The following BMPR1A variants were observed in gnomAD, a reference collection of about 807,000 sequenced individuals.
BMPR1A encodes bone morphogenetic protein receptor type 1A.
A neutral mutation model predicts 66.0 loss-of-function variants in BMPR1A; 7 were observed. That is an observed-to-expected ratio of 0.11 (90% confidence interval 0.06 to 0.20). The LOEUF (loss-of-function observed/expected upper bound fraction) is 0.20. BMPR1A is among the 10% of genes least tolerant of loss of function. The probability of loss-of-function intolerance (pLI) is 1.00; values close to 1 mark genes in which losing one functional copy is unlikely to be tolerated. For synonymous variants in BMPR1A, 200 were observed against 229.7 expected (o/e 0.87, Z 1.17); for missense variants, 408 against 669.1 (o/e 0.61, Z 4.31).
At chr10:86,899,143 A>G (rs1843270295) in intron 5 of BMPR1A, among the ~76,000 whole-genome samples, 1 of 152,242 alleles carries the variant, frequency 6.6e-6, no homozygotes, top group Admixed American at 6.5e-5. Flanking sequence ...AGGCTGCAGC[A>G]TTCAACTTGT....
chr10:86,906,679 G>A lies in BMPR1A; in HGVS notation c.531-5561G>A, dbSNP rs571511126. Among the ~76,000 whole-genome samples the A allele has an allele frequency of 4.3e-4, 14 of 32,732 alleles. 3 individuals are homozygous for A. The highest frequency in any genetic ancestry group is 1.9e-3 in the African/African-American group (4 of 2,154). The allele number at this position is 32,732 out of a possible 152,430, so 21.5% of individuals were successfully genotyped here. A position where few individuals can be genotyped will look rare whatever the true frequency, so the allele number is the denominator to read the frequency against. On this transcript the variant is annotated intron_variant, in intron 7 of 12. Coordinates refer to ENST00000372037, the MANE Select transcript of BMPR1A (RefSeq NM_004329.3). The stretch of plus-strand genomic sequence containing the variant: ...GCGGAGCTTGCAGTGAGCCGACATC[G>A]CGCCACTGCACTCCAGCCTGGGCGA...
At chr10:86,829,228 A>G (rs1842236192) in intron 1 of BMPR1A, among the ~76,000 whole-genome samples, 3 of 152,238 alleles carry the variant, frequency 2.0e-5, no homozygotes, top group Admixed American at 1.3e-4. Flanking sequence ...ATGTACACAC[A>G]TATGTATATA....
At chr10:86,920,090 C>G (rs1168758645) in intron 10 of BMPR1A, among the ~76,000 whole-genome samples, 1 of 152,002 alleles carries the variant, frequency 6.6e-6, no homozygotes, top group Non-Finnish European at 1.5e-5. Flanking sequence ...TTCTTAAGAC[C>G]CAACTGATGA....
At chr10:86,845,545 A>G (rs537874847) in intron 2 of BMPR1A, among the ~76,000 whole-genome samples, 49 of 152,198 alleles carry the variant, frequency 3.2e-4, no homozygotes, top group Admixed American at 1.1e-3. Flanking sequence ...TGCATGCCAC[A>G]TAGACCTGCC....
intron 9 of BMPR1A, 136 bp downstream of exon 9, chr10:86,917,462 G>C: frequency 1.9e-6 from 2 of 1,070,126 alleles, no homozygotes; most frequent in Admixed American, 2.0e-5. Flanking sequence ...TAGAATACAC[G>C]GTTTGAATAA....
At chr10:86,839,583 ACT>A (rs1407646915) in intron 2 of BMPR1A, among the ~76,000 whole-genome samples, 1 of 123,766 alleles carries the variant, frequency 8.1e-6, no homozygotes, top group African/African-American at 3.0e-5. Flanking sequence ...ACAGAGTGAG[ACT>A]CTGTCTCAAA....
intron 1 of BMPR1A, among the ~76,000 whole-genome samples, chr10:86,832,873 A>G (rs192738439): frequency 6.6e-6 from 1 of 152,332 alleles, no homozygotes; most frequent in Non-Finnish European, 1.5e-5. Flanking sequence ...TGCTATGAAC[A>G]TCTGTAGATA....
intron 5 of BMPR1A, among the ~76,000 whole-genome samples, chr10:86,894,427 T>C (rs1374835469): frequency 6.6e-6 from 1 of 152,246 alleles, no homozygotes; most frequent in African/African-American, 2.4e-5. Context: ...TAAAGGATGC[T>C]AATTTCGTTG....
intron 1 of BMPR1A, among the ~76,000 whole-genome samples, chr10:86,760,215 C>CT (rs1841023228): frequency 5.4e-5 from 4 of 74,172 alleles, no homozygotes; most frequent in South Asian, 4.1e-4. Context: ...TTTTTAATAC[C>CT]TTATTGTTTT....
intron 1 of BMPR1A, among the ~76,000 whole-genome samples, chr10:86,801,806 G>A (rs766967926): frequency 3.9e-5 from 6 of 152,020 alleles, no homozygotes; most frequent in Non-Finnish European, 7.4e-5. Context: ...TCTGCCTCCC[G>A]GGTTCACGCC....
intron 1 of BMPR1A, among the ~76,000 whole-genome samples, chr10:86,793,511 A>T (rs1362605142): frequency 6.6e-6 from 1 of 151,592 alleles, no homozygotes; most frequent in Admixed American, 6.6e-5. Context: ...TTACAGGTGC[A>T]TGCCACCACG....
At chr10:86,834,519 T>G (rs1468246139) in intron 1 of BMPR1A, among the ~76,000 whole-genome samples, 1 of 152,198 alleles carries the variant, frequency 6.6e-6, no homozygotes, top group Non-Finnish European at 1.5e-5. Context: ...GGACTATGGA[T>G]TTAGTACAAC....
downstream of BMPR1A, chr10:86,931,278 T>TACACACACACACACAC (rs1554892369): frequency 9.5e-6 from 1 of 104,762 alleles, no homozygotes; most frequent in African/African-American, 5.5e-5. Context: ...TATATATATA[T>TACACACACACACACAC]ATACACACAC....
chr10:86,814,890 ATTC>A (rs1171559687), intron 1 of BMPR1A, among the ~76,000 whole-genome samples: 1 of 152,016 alleles, frequency 6.6e-6, no homozygotes, highest in African/African-American at 2.4e-5. Flanking sequence ...AGTTCAGGCA[ATTC>A]TTCTGCCTCA....
intron 1 of BMPR1A, among the ~76,000 whole-genome samples, chr10:86,830,919 G>A (rs1043657716): frequency 2.8e-4 from 42 of 151,424 alleles, no homozygotes; most frequent in African/African-American, 9.5e-4. Flanking sequence ...AGCCCCAGAC[G>A]GCCACGAATC....
intron 7 of BMPR1A, among the ~76,000 whole-genome samples, chr10:86,904,923 C>G (rs1377700769): frequency 1.3e-5 from 2 of 152,146 alleles, no homozygotes; most frequent in East Asian, 1.9e-4. Flanking sequence ...TGTGAAGATT[C>G]ATTATTGATC....
At chr10:86,784,907 G>C (rs1841495398) in intron 1 of BMPR1A, among the ~76,000 whole-genome samples, 3 of 149,818 alleles carry the variant, frequency 2.0e-5, no homozygotes, top group African/African-American at 7.4e-5. Context: ...TCTTAAATCT[G>C]GCTAAGGATT....
intron 1 of BMPR1A, among the ~76,000 whole-genome samples, chr10:86,838,531 A>T (rs1346890616): frequency 6.6e-6 from 1 of 151,492 alleles, no homozygotes; most frequent in Non-Finnish European, 1.5e-5. Flanking sequence ...ATATTGTAGA[A>T]TTGTACATTT....
At chr10:86,885,191 A>C (rs1439128027) in intron 3 of BMPR1A, among the ~76,000 whole-genome samples, 1 of 152,234 alleles carries the variant, frequency 6.6e-6, no homozygotes, top group Non-Finnish European at 1.5e-5. Flanking sequence ...TGTGCTGCTC[A>C]TGAGTGAAGA....
Sources: gnomAD v4.1 joint callset for allele counts (sites outside exome capture counted in the v4.1 genomes callset) on GRCh38, gnomAD v4.1.1 for gene constraint, MANE v1.5 for transcripts, NCBI Gene and HGNC (gene_info 2026-07-23, HGNC 2026-07-21) for gene names.